The following ABLIM1 variants were observed in gnomAD, a reference collection of about 807,000 sequenced individuals.
ABLIM1 encodes the protein actin-binding LIM protein 1.
ABLIM1 carries 40 observed loss-of-function variants against 107.0 expected under a neutral mutation model. That is an observed-to-expected ratio of 0.37 (90% confidence interval 0.29 to 0.49). The LOEUF (loss-of-function observed/expected upper bound fraction) is 0.49, where lower values mean the gene tolerates loss of function less well. ABLIM1 is among the 20% of genes least tolerant of loss of function. ABLIM1 has a pLI of 0.97. For synonymous variants in ABLIM1, 357 were observed against 357.3 expected (o/e 1.00, Z 0.01); for missense variants, 857 against 1,008.5 (o/e 0.85, Z 2.04).
At chr10:114,501,332 C>T (rs2060392915) in intron 6 of ABLIM1, among the ~76,000 whole-genome samples, 1 of 152,174 alleles carries the variant, frequency 6.6e-6, no homozygotes, top group Non-Finnish European at 1.5e-5. Context: ...TCCAACAGAG[C>T]CAATGTTGTT....
intron 1 of ABLIM1, among the ~76,000 whole-genome samples, chr10:114,710,528 G>C (rs143147961): frequency 6.6e-6 from 1 of 152,146 alleles, no homozygotes; most frequent in Non-Finnish European, 1.5e-5. Flanking sequence ...CTCCCACCAG[G>C]TTCCTCCCAC....
intron 12 of ABLIM1, among the ~76,000 whole-genome samples, chr10:114,460,322 C>T (rs1376372770): frequency 1.3e-5 from 2 of 151,952 alleles, no homozygotes; most frequent in East Asian, 1.9e-4. Context: ...GATTTAAGGT[C>T]GGGCGCGGTG....
At chr10:114,748,570 T>C (rs2082435211) in intron 1 of ABLIM1, among the ~76,000 whole-genome samples, 1 of 127,704 alleles carries the variant, frequency 7.8e-6, no homozygotes, top group South Asian at 3.0e-4. Flanking sequence ...CCCCTCCATT[T>C]TGCCTGTTTC....
intron 1 of ABLIM1, among the ~76,000 whole-genome samples, chr10:114,644,766 G>A (rs540746797): frequency 2.0e-5 from 3 of 152,294 alleles, no homozygotes; most frequent in East Asian, 3.9e-4. Flanking sequence ...AGTCAGTGAT[G>A]GATATTCACC....
At chr10:114,569,789 C>A (rs1443700731) in intron 4 of ABLIM1, among the ~76,000 whole-genome samples, 8 of 152,122 alleles carry the variant, frequency 5.3e-5, no homozygotes, top group Admixed American at 5.2e-4. Flanking sequence ...TACTAGGGGT[C>A]TAGGATGGTG....
intron 6 of ABLIM1, among the ~76,000 whole-genome samples, chr10:114,536,239 T>TCA (rs2066002324): frequency 2.3e-5 from 1 of 43,372 alleles, no homozygotes; most frequent in Non-Finnish European, 5.3e-5. Flanking sequence ...TTTTTTTTTT[T>TCA]TTTTTTTTTT....
chr10:114,674,808 T>C (rs888859921), intron 1 of ABLIM1, among the ~76,000 whole-genome samples: 8 of 151,114 alleles, frequency 5.3e-5, no homozygotes, highest in Admixed American at 3.3e-4. Context: ...TTTATAAGAA[T>C]GCTCTGAGAG....
intron 1 of ABLIM1, among the ~76,000 whole-genome samples, chr10:114,703,388 C>T (rs962531887): frequency 3.9e-5 from 6 of 152,326 alleles, no homozygotes; most frequent in Admixed American, 2.0e-4. Flanking sequence ...GTTCGTCTTA[C>T]GGGAGTATTT....
chr10:114,782,485 G>A, the ABLIM1 span, among the ~76,000 whole-genome samples: 2 of 152,158 alleles, frequency 1.3e-5, no homozygotes, highest in African/African-American at 2.4e-5. Flanking sequence ...AGCCTGACAC[G>A]TTCAGAGACT....
intron 6 of ABLIM1, among the ~76,000 whole-genome samples, chr10:114,539,497 T>C (rs188887229): frequency 9.8e-5 from 15 of 152,370 alleles, no homozygotes; most frequent in Non-Finnish European, 1.5e-4. Context: ...GTTATACCTT[T>C]GTAAACAGAG....
At chr10:114,793,324 C>T in the ABLIM1 span, among the ~76,000 whole-genome samples, 1 of 151,816 alleles carries the variant, frequency 6.6e-6, no homozygotes, top group Non-Finnish European at 1.5e-5. Context: ...TCTGAAAGTG[C>T]GTGGCACCTT....
At chr10:114,699,785 C>T (rs1056810162) in intron 1 of ABLIM1, among the ~76,000 whole-genome samples, 1 of 152,018 alleles carries the variant, frequency 6.6e-6, no homozygotes, top group Non-Finnish European at 1.5e-5. Flanking sequence ...AAAAAGTAAA[C>T]TTTTATAAAC....
At chr10:114,704,380 A>G (rs1406394491) in intron 1 of ABLIM1, among the ~76,000 whole-genome samples, 1 of 147,576 alleles carries the variant, frequency 6.8e-6, no homozygotes, top group Non-Finnish European at 1.5e-5. Context: ...ACAAGAGCCT[A>G]AATTGTTACC....
At chr10:114,796,820 C>G in the ABLIM1 span, among the ~76,000 whole-genome samples, 10 of 152,170 alleles carry the variant, frequency 6.6e-5, no homozygotes, top group Non-Finnish European at 4.4e-5. Flanking sequence ...ACCTCCACCC[C>G]ACCTTGTTGC....
At chr10:114,630,027 C>T (rs1340963591) in intron 1 of ABLIM1, among the ~76,000 whole-genome samples, 3 of 151,996 alleles carry the variant, frequency 2.0e-5, no homozygotes, top group Admixed American at 1.3e-4. Context: ...GTGGCCTGTC[C>T]AAAGTGTTCC....
At chr10:114,560,404 C>T (rs957072411) in intron 4 of ABLIM1, among the ~76,000 whole-genome samples, 7 of 152,186 alleles carry the variant, frequency 4.6e-5, no homozygotes, top group African/African-American at 1.7e-4. Context: ...AAGATTGCAA[C>T]GAAGCTGAAA....
the ABLIM1 span, among the ~76,000 whole-genome samples, chr10:114,784,253 G>A: frequency 3.3e-5 from 5 of 151,766 alleles, no homozygotes; most frequent in East Asian, 7.7e-4. Flanking sequence ...GGCTGAGGCA[G>A]AAGAATTGCT....
intron 8 of ABLIM1, among the ~76,000 whole-genome samples, chr10:114,484,465 C>T (rs930958384): frequency 2.0e-5 from 3 of 152,148 alleles, no homozygotes; most frequent in Admixed American, 2.0e-4. Flanking sequence ...TCACTGCAAC[C>T]TCTGTCTCCA....
At chr10:114,454,886 A>T (rs893465150) in intron 12 of ABLIM1, among the ~76,000 whole-genome samples, 8 of 152,156 alleles carry the variant, frequency 5.3e-5, no homozygotes, top group Admixed American at 3.3e-4. Flanking sequence ...GAACTTGCAA[A>T]TATTTTCTCC....
Sources: allele counts gnomAD v4.1 joint callset (sites outside exome capture counted in the v4.1 genomes callset), GRCh38; gene constraint gnomAD v4.1.1; transcripts MANE v1.5; gene names NCBI Gene and HGNC (gene_info 2026-07-23, HGNC 2026-07-21).